SLC24A4: variants seen among roughly 807,000 people sequenced by gnomAD.
The protein encoded by SLC24A4 is solute carrier family 24 member 4.
In SLC24A4, 53 loss-of-function variants were observed where a neutral mutation model predicts 79.0. That is an observed-to-expected ratio of 0.67 (90% CI 0.54 to 0.84). The LOEUF is 0.84. Among genes scored for constraint, SLC24A4 ranks in the 40% least tolerant of loss-of-function variants. The pLI is 0.00. For missense variants in SLC24A4, 731 were observed against 822.0 expected (o/e 0.89, Z 1.35); for synonymous variants, 323 against 323.8 (o/e 1.00, Z 0.03).
At chr14:92,384,874 T>A (rs1422630017) in intron 2 of SLC24A4, among the ~76,000 whole-genome samples, 1 of 152,206 alleles carries the variant, frequency 6.6e-6, no homozygotes, top group African/African-American at 2.4e-5. Flanking sequence ...TGGAGCTCTG[T>A]GAGGCATACT....
chr14:92,431,839 G>A (rs1487809037), intron 2 of SLC24A4, among the ~76,000 whole-genome samples: 2 of 152,198 alleles, frequency 1.3e-5, no homozygotes, highest in Admixed American at 6.5e-5. Context: ...ATGCGTAGTC[G>A]AGCTAGGACT....
At chr14:92,350,108 C>T (rs1886786940) in intron 2 of SLC24A4, among the ~76,000 whole-genome samples, 1 of 152,092 alleles carries the variant, frequency 6.6e-6, no homozygotes, top group Non-Finnish European at 1.5e-5. Flanking sequence ...TGTGTTGAGC[C>T]CTGTTGAAGT....
chr14:92,455,558 C>T (rs1283626180), intron 11 of SLC24A4, among the ~76,000 whole-genome samples: 1 of 152,134 alleles, frequency 6.6e-6, no homozygotes, highest in East Asian at 1.9e-4. Context: ...TCAGGAAAAA[C>T]TAATCAATGT....
intron 2 of SLC24A4, among the ~76,000 whole-genome samples, chr14:92,342,321 G>T (rs545090876): frequency 0.021 from 2,996 of 144,844 alleles, 95 homozygotes; most frequent in African/African-American, 0.071. Context: ...TGGGGGGGGG[G>T]TCTCCATTTC....
rs548998045 is a variant in SLC24A4, at chr14:92,441,941, A to G, written c.394-148A>G. The G allele has an allele frequency of 3.7e-4, 206 of 557,104 alleles. No individual in the cohort carries two copies. Among genetic ancestry groups the G allele is most frequent in the African/African-American group, 3.5e-3 (184 of 52,472 alleles). 34.5% of individuals were successfully genotyped at this position (557,104 alleles called of 1,614,324 possible). ...GGGCAGATGGCAGAGGGCACACAGC[A>G]TGTGCCCAGGGGTGAGAGGCTGCAG... On this transcript the variant is annotated intron_variant, in intron 4 of 16. Transcript: ENST00000532405. This position sits in a 1 kb window ranked among gnomAD's most constrained non-coding sequence, Gnocchi z 4.6.
intron 2 of SLC24A4, among the ~76,000 whole-genome samples, chr14:92,337,364 C>T (rs113117787): frequency 0.045 from 6,871 of 152,176 alleles, 515 homozygotes; most frequent in African/African-American, 0.16. Context: ...AGAGGTGAGA[C>T]CAGAGTCAGG....
At chr14:92,443,375 G>A (rs1203699192) in intron 6 of SLC24A4, 25 bp from the exon 7 acceptor site, 4 of 1,613,494 alleles carry the variant, frequency 2.5e-6, no homozygotes, top group South Asian at 1.1e-5. Flanking sequence ...GCTCATAGCA[G>A]CCAACGACGG....
At chr14:92,351,923 G>GGAAAA (rs1344418613) in intron 2 of SLC24A4, among the ~76,000 whole-genome samples, 1 of 150,274 alleles carries the variant, frequency 6.7e-6, no homozygotes, top group African/African-American at 2.4e-5. Flanking sequence ...AGGAAGGAAA[G>GGAAAA]GAAAGGAAAG....
upstream of SLC24A4, among the ~76,000 whole-genome samples, chr14:92,322,995 G>C (rs558397209): frequency 6.6e-6 from 1 of 152,286 alleles, no homozygotes; most frequent in African/African-American, 2.4e-5. Context: ...AAGGGAGAAG[G>C]AAGGGGATTA....
chr14:92,442,028 T>A (rs1892526799), intron 4 of SLC24A4, 61 bp from the exon 5 acceptor site: 8 of 1,334,866 alleles, frequency 6.0e-6, no homozygotes, highest in Non-Finnish European at 8.6e-6. Context: ...CTGTAGAGCG[T>A]CCAGTGATGT....
chr14:92,332,940 A>G (rs1224720656), intron 2 of SLC24A4, among the ~76,000 whole-genome samples: 2 of 152,212 alleles, frequency 1.3e-5, no homozygotes, highest in Admixed American at 6.5e-5. Flanking sequence ...TCTTTGAAGA[A>G]TTTAGGATGC....
Position 92,500,964 on chromosome 14 carries a change from G to A in SLC24A4, c.*7336G>A, listed in dbSNP as rs1896139028. On this transcript the variant is annotated 3_prime_UTR_variant, in exon 17 of 17. Coordinates refer to ENST00000532405, the MANE Select transcript of SLC24A4 (RefSeq NM_153646.4). Reference sequence around the variant, plus strand: ...GCCAGGCAGATCCACAAAGCCCAAGGGGATGCAGGCTGGGTGTGGTTTCTG... The same window carrying A: ...GCCAGGCAGATCCACAAAGCCCAAGAGGATGCAGGCTGGGTGTGGTTTCTG... The A allele has an allele frequency of 1.3e-5, 2 of 152,302 alleles. No homozygotes were observed. The highest frequency in any genetic ancestry group is 6.5e-5 in the Admixed American group (1 of 15,286). 9.4% of individuals were successfully genotyped at this position (152,302 alleles called of 1,614,324 possible).
At chr14:92,337,909 A>G (rs1371355941) in intron 2 of SLC24A4, among the ~76,000 whole-genome samples, 2 of 152,210 alleles carry the variant, frequency 1.3e-5, no homozygotes, top group Non-Finnish European at 2.9e-5. Context: ...GTATAACTTC[A>G]CAGTACAAAT....
chr14:92,465,967 G>C (rs1015658636), intron 12 of SLC24A4, among the ~76,000 whole-genome samples: 1 of 152,180 alleles, frequency 6.6e-6, no homozygotes, highest in Non-Finnish European at 1.5e-5. Context: ...TGACAGCTCA[G>C]TTCAACAGCA....
chr14:92,425,133 G>A (rs916146970), intron 2 of SLC24A4, among the ~76,000 whole-genome samples: 2 of 152,210 alleles, frequency 1.3e-5, no homozygotes, highest in African/African-American at 4.8e-5. Context: ...CAGAGAAGAG[G>A]CTGTGTGAAG....
intron 12 of SLC24A4, among the ~76,000 whole-genome samples, chr14:92,463,742 A>C (rs1252184089): frequency 6.6e-6 from 1 of 152,184 alleles, no homozygotes; most frequent in Non-Finnish European, 1.5e-5. Flanking sequence ...TGGAATCGTC[A>C]TCAACATCAG....
intron 12 of SLC24A4, among the ~76,000 whole-genome samples, chr14:92,479,042 T>C (rs1257197979): frequency 6.6e-6 from 1 of 152,258 alleles, no homozygotes; most frequent in African/African-American, 2.4e-5. Flanking sequence ...ATTTATTACA[T>C]ATCTTACAAA....
At chr14:92,359,000 C>G (rs564190006) in intron 2 of SLC24A4, among the ~76,000 whole-genome samples, 1 of 152,110 alleles carries the variant, frequency 6.6e-6, no homozygotes, top group South Asian at 2.1e-4. Context: ...CTACTCTTTT[C>G]TATCTCCATT....
At chr14:92,430,803 C>T (rs972285648) in intron 2 of SLC24A4, among the ~76,000 whole-genome samples, 5 of 152,356 alleles carry the variant, frequency 3.3e-5, no homozygotes, top group African/African-American at 1.2e-4. Flanking sequence ...ATACATCTCT[C>T]CCTTCCCTCC....
Sources: allele counts gnomAD v4.1 joint callset (sites outside exome capture counted in the v4.1 genomes callset), GRCh38; gene constraint gnomAD v4.1.1; non-coding constraint Gnocchi (gnomAD v3.1); transcripts MANE v1.5; gene names NCBI Gene and HGNC (gene_info 2026-07-23, HGNC 2026-07-21).